ZNF462: variants seen among roughly 807,000 people sequenced by gnomAD.
The protein encoded by ZNF462 is zinc finger protein 462.
ZNF462 carries 10 observed loss-of-function variants against 201.9 expected under a neutral mutation model. The observed-to-expected ratio is 0.05, with a 90% confidence interval of 0.03 to 0.08. The LOEUF (loss-of-function observed/expected upper bound fraction) is 0.08. Ranked by LOEUF, ZNF462 falls within the 10% of genes least tolerant of loss-of-function variation. The pLI, the probability that ZNF462 is intolerant of heterozygous loss-of-function variation, is 1.00. For synonymous variants in ZNF462, 1,227 were observed against 1,193.3 expected (o/e 1.03, Z -0.58); for missense variants, 2,523 against 3,168.3 (o/e 0.80, Z 4.89).
rs535913949 is a variant in ZNF462, at chr9:107,006,662, A to G, written c.7190-2883A>G. On this transcript the variant is annotated intron_variant, in intron 11 of 12. Transcript: ENST00000277225. The surrounding 1 kb of genome is among the most constrained non-coding windows in gnomAD (Gnocchi z 4.3). ...AAGGTGTTCCCTGTTCCTTTTCCTGACTTGCACTCACCCTCCTACCATGAT... is the reference window on the plus strand; with the variant it reads ...AAGGTGTTCCCTGTTCCTTTTCCTGGCTTGCACTCACCCTCCTACCATGAT... Among the ~76,000 whole-genome samples, 84 of 152,112 alleles carry G rather than the reference A, an allele frequency of 5.5e-4. No homozygotes were observed. Among genetic ancestry groups the G allele is most frequent in the African/African-American group, 2.0e-3 (82 of 41,502 alleles).
rs1469094637 is a variant in ZNF462, at chr9:106,926,597, C to T, written c.2685C>T (p.Tyr895=). The T allele has an allele frequency of 1.2e-6, 2 of 1,614,036 alleles. No individual in the cohort carries two copies. Among genetic ancestry groups the T allele is most frequent in the Non-Finnish European group, 1.7e-6 (2 of 1,180,044 alleles). The change falls in exon 3 of 13, where the codon TAC becomes TAT. Residue 895 remains tyrosine (Y), a synonymous_variant. Coordinates refer to ENST00000277225, the MANE Select transcript of ZNF462 (RefSeq NM_021224.6). The surrounding 1 kb of genome is among the most constrained non-coding windows in gnomAD (Gnocchi z 7.9). ...VYRCLECYID[Y]TNFEDLQQHY... is the part of the protein sequence containing the mutation. ...GGTGCCTGGAATGCTACATCGATTA[C>T]ACCAACTTCGAAGATCTCCAGCAGC...
intron 10 of ZNF462, among the ~76,000 whole-genome samples, chr9:106,999,783 A>G (rs73524936): frequency 0.084 from 12,834 of 152,228 alleles, 1,312 homozygotes; most frequent in African/African-American, 0.24. Flanking sequence ...GAATGTTTAT[A>G]TAAAAGAAAC....
At position 107,012,724 on chromosome 9, in the gene ZNF462, T is replaced by G. The variant is rs1829991944; in HGVS notation, c.*1694T>G. 1 of 148,804 alleles carries G rather than the reference T, an allele frequency of 6.7e-6. No homozygotes were observed. 9.2% of individuals were successfully genotyped at this position (148,804 alleles called of 1,614,324 possible). Reference sequence around the variant, plus strand: ...TTTGGTTTTCATGTTTTTTTTTTTTTTTTTTTACTTGGAAGGGTTGTGGGA... The same window carrying G: ...TTTGGTTTTCATGTTTTTTTTTTTTGTTTTTTACTTGGAAGGGTTGTGGGA... On this transcript the variant is annotated 3_prime_UTR_variant, in exon 13 of 13. Transcript: ENST00000277225.
chr9:106,959,998 A>G (rs956851431), intron 7 of ZNF462, among the ~76,000 whole-genome samples: 1 of 152,054 alleles, frequency 6.6e-6, no homozygotes, highest in South Asian at 2.1e-4. Flanking sequence ...CTTACACTGC[A>G]TGGAAATAGG....
At chr9:106,901,820 G>A (rs1218795215) in intron 1 of ZNF462, among the ~76,000 whole-genome samples, 1 of 152,168 alleles carries the variant, frequency 6.6e-6, no homozygotes, top group African/African-American at 2.4e-5. Flanking sequence ...TTCTGGAGGA[G>A]TTCTTAGGGT....
At chr9:106,947,211 T>G (rs1251890324) in intron 7 of ZNF462, among the ~76,000 whole-genome samples, 1 of 152,162 alleles carries the variant, frequency 6.6e-6, no homozygotes, top group Non-Finnish European at 1.5e-5. Context: ...CCAAAGGAAG[T>G]GTTTGGCTGA....
At chr9:106,934,783 T>G (rs769083269) in intron 5 of ZNF462, among the ~76,000 whole-genome samples, 7 of 152,230 alleles carry the variant, frequency 4.6e-5, no homozygotes, top group Non-Finnish European at 7.3e-5. Context: ...TATTATTTTT[T>G]TAGGCTAATA....
intron 7 of ZNF462, among the ~76,000 whole-genome samples, chr9:106,957,059 C>T (rs1831610475): frequency 6.6e-6 from 1 of 152,138 alleles, no homozygotes; most frequent in South Asian, 2.1e-4. Context: ...CACAACTTGA[C>T]TAACTGTTTG....
At chr9:106,891,113 G>T (rs1246150194) in intron 1 of ZNF462, among the ~76,000 whole-genome samples, 2 of 152,004 alleles carry the variant, frequency 1.3e-5, no homozygotes, top group Non-Finnish European at 2.9e-5. Flanking sequence ...GAGATTGTTT[G>T]GTATATTTAC....
intron 7 of ZNF462, among the ~76,000 whole-genome samples, chr9:106,957,747 AAG>A (rs1457327970): frequency 6.6e-6 from 1 of 152,194 alleles, no homozygotes; most frequent in African/African-American, 2.4e-5. Context: ...TGTTAAAACT[AAG>A]AGTAAAATGC....
At position 106,929,437 on chromosome 9, in the gene ZNF462, A is replaced by T. The variant is rs373518963; in HGVS notation, c.5525A>T (p.Glu1842Val). 2.5e-6 allele frequency: 4 copies of T among 1,613,984 alleles called. No individual in the cohort carries two copies. The African/African-American group carries it at 5.3e-5, about 22-fold the overall frequency. ...GTGGAGGGTGAAGCTCAGGAAATCG[A>T]GTGGCTCCCATTCCGCTGCATCAAA... ...AEVEGEAQEI[E>V]WLPFRCIKCF... is the part of the protein sequence containing the mutation. Residue 1842 changes from glutamate to valine, a missense_variant, in exon 3 of 13, where the codon GAG becomes GTG. Glu to Val is a moderately radical substitution (Grantham distance 121, BLOSUM62 -2). Coordinates refer to ENST00000277225, the MANE Select transcript of ZNF462 (RefSeq NM_021224.6). This position sits in a 1 kb window ranked among gnomAD's most constrained non-coding sequence, Gnocchi z 8.7.
rs1826550520 is a variant in ZNF462, at chr9:106,970,579, C to G, written c.6428-1426C>G. On this transcript the variant is annotated intron_variant, in intron 7 of 12. Transcript: ENST00000277225. The surrounding 1 kb of genome is among the most constrained non-coding windows in gnomAD (Gnocchi z 4.2). ...AGGAGGCTTGTACAGTTTCTATCCC[C>G]TTTCCCCCCTGCTTTTTGAAAGGCT... is the stretch of plus-strand genomic sequence containing the variant. Among the ~76,000 whole-genome samples, 1 of 152,176 alleles carries G rather than the reference C, an allele frequency of 6.6e-6. No individual in the cohort carries two copies. Among genetic ancestry groups the G allele is most frequent in the Non-Finnish European group, 1.5e-5 (1 of 68,042 alleles).
chr9:106,958,136 A>G (rs542187251), intron 7 of ZNF462, among the ~76,000 whole-genome samples: 5 of 152,230 alleles, frequency 3.3e-5, no homozygotes, highest in East Asian at 1.9e-4. Flanking sequence ...ATATTCCATC[A>G]TCACTAGGGA....
At position 107,005,297 on chromosome 9, in the gene ZNF462, C is replaced by G. The variant is rs1156854034; in HGVS notation, c.7189+1871C>G. ...TGATTGAGGAACCTCCATGCTGTTTCCATAACGGGTGTACTAATTTGCAGT... is the reference window on the plus strand; with the variant it reads ...TGATTGAGGAACCTCCATGCTGTTTGCATAACGGGTGTACTAATTTGCAGT... On this transcript the variant is annotated intron_variant, in intron 11 of 12. Transcript: ENST00000277225. This position sits in a 1 kb window ranked among gnomAD's most constrained non-coding sequence, Gnocchi z 4.4. Among the ~76,000 whole-genome samples, 1 of 152,166 alleles carries G rather than the reference C, an allele frequency of 6.6e-6. No homozygotes were observed. The highest frequency in any genetic ancestry group is 1.9e-4 in the East Asian group (1 of 5,186).
rs7043107 is a variant in ZNF462, at chr9:106,993,691, G to A, written c.7056+9282G>A. ...AACATTCTACCCCCCAACACACATA[G>A]TGAATTATTTATCAGTAATGCCCTT... is the stretch of plus-strand genomic sequence containing the variant. On this transcript the variant is annotated intron_variant, in intron 10 of 12. Coordinates refer to ENST00000277225, the MANE Select transcript of ZNF462 (RefSeq NM_021224.6). This position sits in a 1 kb window ranked among gnomAD's most constrained non-coding sequence, Gnocchi z 4.0. 0.14 allele frequency among the ~76,000 whole-genome samples: 20,919 copies of A among 148,516 alleles called. 1,598 individuals carry two copies. Among genetic ancestry groups the A allele is most frequent in the African/African-American group, 0.19 (7,583 of 40,198 alleles).
In ZNF462 at chr9:106,929,789, C is replaced by T. The variant is rs766483785; in HGVS notation, c.5847+30C>T. 24 of 1,571,232 alleles carry T rather than the reference C, an allele frequency of 1.5e-5. No homozygotes were observed. The East Asian group carries it at 5.2e-4, about 34-fold the overall frequency. On this transcript the variant is annotated intron_variant, in intron 3 of 12. Transcript: ENST00000277225. This position sits in a 1 kb window ranked among gnomAD's most constrained non-coding sequence, Gnocchi z 8.7. ...GGATATGTTTTGATTTCCCTTCCCCCAGGAGGCCTCTCATCACTGGTGCCC... is the reference window on the plus strand; with the variant it reads ...GGATATGTTTTGATTTCCCTTCCCCTAGGAGGCCTCTCATCACTGGTGCCC...
rs775428267 is a variant in ZNF462, at chr9:106,926,932, A to C, written c.3020A>C (p.Asn1007Thr). The C allele has an allele frequency of 1.2e-6, 2 of 1,614,052 alleles. No homozygotes were observed. The highest frequency in any genetic ancestry group is 1.7e-6 in the Non-Finnish European group (2 of 1,180,032). ...GGTTTGCCAGCTACGTTCAACAAAA[A>C]CACTCCTAAGACCTTTACTCCTGAA... ...GGGLPATFNKNTPKTFTPECE... is the reference protein window; with the variant it reads ...GGGLPATFNKTTPKTFTPECE... Residue 1007 changes from asparagine (N) to threonine (T), a missense_variant, in exon 3 of 13, where the codon AAC becomes ACC. Asn to Thr is a moderately conservative substitution (Grantham distance 65, BLOSUM62 0). Coordinates refer to ENST00000277225, the MANE Select transcript of ZNF462 (RefSeq NM_021224.6). The surrounding 1 kb of genome is among the most constrained non-coding windows in gnomAD (Gnocchi z 7.9).
At chr9:106,948,855 T>C (rs544945912) in intron 7 of ZNF462, among the ~76,000 whole-genome samples, 2 of 151,730 alleles carry the variant, frequency 1.3e-5, no homozygotes, top group African/African-American at 4.8e-5. Flanking sequence ...TATTTTTATG[T>C]ATAATAAATT....
chr9:106,903,742 C>T (rs1588028720), intron 1 of ZNF462, among the ~76,000 whole-genome samples: 2 of 152,230 alleles, frequency 1.3e-5, no homozygotes, highest in East Asian at 3.9e-4. Flanking sequence ...AGAATAGTTA[C>T]CCCTGCTCAC....
Sources: gnomAD v4.1 joint callset for allele counts (sites outside exome capture counted in the v4.1 genomes callset) on GRCh38, gnomAD v4.1.1 for gene constraint, Gnocchi (gnomAD v3.1) non-coding constraint, MANE v1.5 for transcripts, NCBI Gene and HGNC (gene_info 2026-07-23, HGNC 2026-07-21) for gene names.